Variants in SEMA3C observed in about 807,000 individuals in gnomAD.
SEMA3C encodes the protein semaphorin-3C.
Under a neutral mutation model 89.4 loss-of-function variants are expected in SEMA3C, and 47 were observed. That is an observed-to-expected ratio of 0.53 (90% CI 0.42 to 0.67). SEMA3C has a LOEUF of 0.67. Among genes scored for constraint, SEMA3C ranks in the 30% least tolerant of loss-of-function variants. The pLI, the probability that SEMA3C is intolerant of heterozygous loss-of-function variation, is 0.00. For synonymous variants in SEMA3C, 310 were observed against 320.2 expected, an observed-to-expected ratio of 0.97 and a Z score of 0.34; for missense variants, 839 against 929.1, an observed-to-expected ratio of 0.90 and a Z score of 1.26.
chr7:80,895,057 C>T (rs918890590), intron 2 of SEMA3C, among the ~76,000 whole-genome samples: 1 of 152,160 alleles, frequency 6.6e-6, no homozygotes, highest in Admixed American at 6.5e-5. Context: ...ACTATCACCA[C>T]CTGATTTCTT....
chr7:80,798,080 C>T lies in SEMA3C; in HGVS notation c.1131+12G>A, dbSNP rs1789110068. 3 of 1,592,026 alleles carry T rather than the reference C, an allele frequency of 1.9e-6. No individual in the cohort carries two copies. The highest frequency in any genetic ancestry group is 2.6e-6 in the Non-Finnish European group (3 of 1,173,358). On this transcript the variant is annotated intron_variant, in intron 11 of 17. Coordinates refer to ENST00000265361, the MANE Select transcript of SEMA3C (RefSeq NM_006379.5). ...AAAGCATCATAACAAAGAATTTTCC[C>T]TGGATACTTACAGTTCCAGGGCGAG... is the stretch of plus-strand genomic sequence containing the variant.
chr7:80,863,672 T>TATATATAC (rs575409973), intron 2 of SEMA3C, among the ~76,000 whole-genome samples: 165 of 143,558 alleles, frequency 1.1e-3, no homozygotes, highest in African/African-American at 3.2e-3. Flanking sequence ...TATATATATA[T>TATATATAC]ACACACATAT....
intron 13 of SEMA3C, among the ~76,000 whole-genome samples, chr7:80,763,130 CTT>C (rs1228028663): frequency 6.6e-6 from 1 of 152,148 alleles, no homozygotes; most frequent in East Asian, 1.9e-4. Context: ...CGGAACTAGA[CTT>C]ATTGTCAGAA....
At chr7:80,809,250 T>C (rs1255355724) in intron 6 of SEMA3C, among the ~76,000 whole-genome samples, 1 of 152,170 alleles carries the variant, frequency 6.6e-6, no homozygotes, top group Admixed American at 6.5e-5. Context: ...AAAAATAGCT[T>C]TATTACCATC....
Position 80,758,337 on chromosome 7 carries a change from C to T in SEMA3C, c.1637G>A (p.Gly546Glu). The T allele has an allele frequency of 6.2e-7, 1 of 1,612,568 alleles. No homozygotes were observed. Among genetic ancestry groups the T allele is most frequent in the Non-Finnish European group, 8.5e-7 (1 of 1,179,404 alleles). Residue 546 changes from glycine (G) to glutamate (E), a missense_variant, in exon 15 of 18, where the codon GGG (glycine) becomes GAG (glutamate). Gly to Glu is a moderately conservative substitution (Grantham distance 98). Coordinates refer to ENST00000265361, the MANE Select transcript of SEMA3C (RefSeq NM_006379.5). ...CCGAGTGTTTAGTGCTCACCGTTTC[C>T]CAGTTGGGTAGAATCTGGAACAGGA... Reference protein sequence around the residue: ...GHSCSRFYPTGKRRSRRQDVR... With the variant: ...GHSCSRFYPTEKRRSRRQDVR...
At chr7:80,758,572 A>G in intron 14 of SEMA3C, 84 bp from the exon 15 acceptor site, 1 of 1,319,336 alleles carries the variant, frequency 7.6e-7, no homozygotes, top group Non-Finnish European at 1.1e-6. Flanking sequence ...ATATATGCCC[A>G]CAAACCCTTG....
At position 80,905,175 on chromosome 7, in the gene SEMA3C, AT is replaced by A. The variant is rs777783617; in HGVS notation, c.103+11503del. On this transcript the variant is annotated intron_variant, in intron 2 of 17. Coordinates refer to ENST00000265361, the MANE Select transcript of SEMA3C (RefSeq NM_006379.5). ...TTTGCTGCAACCCTCAATTATGGCC[AT>A]TTTTTTTTTTTTTTGAGGAGGTGGG... Among the ~76,000 whole-genome samples, 1,047 of 123,496 alleles carry A rather than the reference AT, an allele frequency of 8.5e-3. 2 individuals are homozygous for A. The highest frequency in any genetic ancestry group is 0.019 in the East Asian group (79 of 4,264). The allele number at this position is 123,496 out of a possible 152,430, so 81.0% of individuals were successfully genotyped here.
At chr7:80,800,153 A>ATCTC (rs1256992757) in intron 10 of SEMA3C, among the ~76,000 whole-genome samples, 30 of 132,492 alleles carry the variant, frequency 2.3e-4, no homozygotes, top group African/African-American at 7.7e-4. Flanking sequence ...ACTCCATCTC[A>ATCTC]AAAAAAAAAA....
intron 9 of SEMA3C, among the ~76,000 whole-genome samples, chr7:80,801,954 A>G (rs1170900019): frequency 2.0e-5 from 3 of 152,192 alleles, no homozygotes; most frequent in Admixed American, 1.3e-4. Context: ...ACACAGATTT[A>G]TAACTTATCA....
At position 80,918,916 on chromosome 7, in the gene SEMA3C, C is replaced by G; in HGVS notation, c.-127G>C. The G allele has an allele frequency of 1.0e-6, 1 of 985,444 alleles. No homozygotes were observed. The highest frequency in any genetic ancestry group is 1.2e-6 in the Non-Finnish European group (1 of 829,938). The allele number at this position is 985,444 out of a possible 1,614,324, so 61.0% of individuals were successfully genotyped here. A position where few individuals can be genotyped will look rare whatever the true frequency, so the allele number is the denominator to read the frequency against. ...GTCTCCAGTCCTTTTCCCAGACGAC[C>G]TTATTTTCTAGCACGTCGCAAAGGT... On this transcript the variant is annotated 5_prime_UTR_variant, in exon 1 of 18. Transcript: ENST00000265361.
At chr7:80,872,637 C>A (rs777955289) in intron 2 of SEMA3C, among the ~76,000 whole-genome samples, 3 of 151,202 alleles carry the variant, frequency 2.0e-5, no homozygotes, top group Non-Finnish European at 4.4e-5. Context: ...CCCATCTCTA[C>A]TAAAAATAGA....
chr7:80,852,676 CA>C (rs1319706238), intron 2 of SEMA3C, among the ~76,000 whole-genome samples: 12 of 142,454 alleles, frequency 8.4e-5, no homozygotes, highest in Non-Finnish European at 1.6e-4. Context: ...GCTGAATAGA[CA>C]TTTTTTTTTT....
chr7:80,903,893 C>T (rs1369446150), intron 2 of SEMA3C, among the ~76,000 whole-genome samples: 1 of 152,174 alleles, frequency 6.6e-6, no homozygotes, highest in Non-Finnish European at 1.5e-5. Flanking sequence ...CTATCTTCTA[C>T]TTCCACTCCC....
At position 80,758,319 on chromosome 7, in the gene SEMA3C, T is replaced by A; in HGVS notation, c.1643+12A>T. The A allele has an allele frequency of 1.2e-6, 2 of 1,610,094 alleles. No individual in the cohort carries two copies. The highest frequency in any genetic ancestry group is 1.7e-6 in the Non-Finnish European group (2 of 1,178,136). On this transcript the variant is annotated intron_variant, in intron 15 of 17. Coordinates refer to ENST00000265361, the MANE Select transcript of SEMA3C (RefSeq NM_006379.5). ...CTACATTTGGATGTTGAGCCGAGTG[T>A]TTAGTGCTCACCGTTTCCCAGTTGG...
intron 2 of SEMA3C, among the ~76,000 whole-genome samples, chr7:80,835,184 A>C (rs945238407): frequency 1.3e-5 from 2 of 152,170 alleles, no homozygotes; most frequent in African/African-American, 4.8e-5. Flanking sequence ...TCATGAATTT[A>C]AAATTCATGA....
intron 2 of SEMA3C, among the ~76,000 whole-genome samples, chr7:80,870,323 C>G (rs924393655): frequency 2.0e-5 from 3 of 148,114 alleles, no homozygotes; most frequent in Non-Finnish European, 4.4e-5. Context: ...ATTAACCATA[C>G]TGACTTTTTA....
intron 17 of SEMA3C, among the ~76,000 whole-genome samples, chr7:80,747,222 T>C (rs1322711200): frequency 6.6e-6 from 1 of 152,090 alleles, no homozygotes; most frequent in African/African-American, 2.4e-5. Flanking sequence ...TAGTAATATT[T>C]GAGTCTCCAT....
At position 80,789,519 on chromosome 7, in the gene SEMA3C, C is replaced by T; in HGVS notation, c.1141G>A (p.Gly381Arg). 6.3e-7 allele frequency: 1 copy of T among 1,596,962 alleles called. No individual in the cohort carries two copies. Among genetic ancestry groups the T allele is most frequent in the Non-Finnish European group, 8.5e-7 (1 of 1,172,822 alleles). The change falls in exon 12 of 18, where the codon GGA becomes AGA. Residue 381 changes from glycine (G) to arginine (R), a missense_variant. By Grantham distance (125) the Gly-to-Arg change is moderately radical (BLOSUM62 -2). Coordinates refer to ENST00000265361, the MANE Select transcript of SEMA3C (RefSeq NM_006379.5). ...PYPRPGTCPG[G>R]AFTPNMRTTK... ...GTTCGCATATTGGGTGTAAATGCTC[C>T]TCCTGGACACTAGAAAGAAAGTTTT...
At chr7:80,875,950 A>C (rs1483547486) in intron 2 of SEMA3C, among the ~76,000 whole-genome samples, 1 of 152,226 alleles carries the variant, frequency 6.6e-6, no homozygotes, top group Admixed American at 6.5e-5. Context: ...AAGTTAAAAA[A>C]AAAAATGTGC....
Sources: allele counts gnomAD v4.1 joint callset (sites outside exome capture counted in the v4.1 genomes callset), GRCh38; gene constraint gnomAD v4.1.1; transcripts MANE v1.5; gene names NCBI Gene and HGNC (gene_info 2026-07-23, HGNC 2026-07-21).